The following MAVS variants were observed in gnomAD, a reference collection of about 807,000 sequenced individuals.
MAVS encodes the protein mitochondrial antiviral-signaling protein.
Under a neutral mutation model 30.2 loss-of-function variants are expected in MAVS, and 20 were observed. The observed-to-expected ratio is 0.66, with a 90% confidence interval of 0.47 to 0.96. MAVS has a LOEUF of 0.96. Among genes scored for constraint, MAVS ranks in the 40% least tolerant of loss-of-function variants. The pLI is 0.00. For missense variants in MAVS, 624 were observed against 701.1 expected (o/e 0.89, Z 1.24); for synonymous variants, 278 against 293.9 (o/e 0.95, Z 0.55).
intron 1 of MAVS, among the ~76,000 whole-genome samples, chr20:3,853,231 A>G (rs944456153): frequency 2.0e-5 from 3 of 149,202 alleles, no homozygotes; most frequent in Non-Finnish European, 3.0e-5. Flanking sequence ...TCACGCCTGT[A>G]ATCCCAGCAC....
chr20:3,861,165 ATGT>A (rs1309837434), intron 3 of MAVS, among the ~76,000 whole-genome samples, 164 bp from the exon 4 acceptor site: 1 of 149,588 alleles, frequency 6.7e-6, no homozygotes, highest in Non-Finnish European at 1.5e-5. Flanking sequence ...GCTAATAATA[ATGT>A]TGTATTTTTA....
intron 1 of MAVS, among the ~76,000 whole-genome samples, chr20:3,850,879 C>A (rs1299586734): frequency 7.4e-6 from 1 of 134,374 alleles, no homozygotes; most frequent in Non-Finnish European, 1.5e-5. Context: ...GAGCGAAACT[C>A]CGTCTCAAAA....
In MAVS at chr20:3,851,990, C is replaced by CTTTTTTT. The variant is rs770960832; in HGVS notation, c.-67-2557_-67-2551dup. 3.4e-3 allele frequency among the ~76,000 whole-genome samples: 274 copies of CTTTTTTT among 80,412 alleles called. 14 individuals carry two copies. The highest frequency in any genetic ancestry group is 0.032 in the African/African-American group (268 of 8,432). The allele number at this position is 80,412 out of a possible 152,430, so 52.8% of individuals were successfully genotyped here. A position where few individuals can be genotyped will look rare whatever the true frequency, so the allele number is the denominator to read the frequency against. ...AAAAAAAGAATGTATGTGTAGCAGGCTTTTTTTTTTTTTTTTTCCCCCGAG... is the reference window on the plus strand; with the variant it reads ...AAAAAAAGAATGTATGTGTAGCAGGCTTTTTTTTTTTTTTTTTTTTTTTTCCCCCGAG... On this transcript the variant is annotated intron_variant, in intron 1 of 6. Coordinates refer to ENST00000428216, the MANE Select transcript of MAVS (RefSeq NM_020746.5).
chr20:3,857,760 A>T lies in MAVS; in HGVS notation c.243A>T (p.Leu81=). The T allele has an allele frequency of 6.2e-7, 1 of 1,614,182 alleles. No individual in the cohort carries two copies. Among genetic ancestry groups the T allele is most frequent in the Admixed American group, 1.7e-5 (1 of 60,030 alleles). The change falls in exon 3 of 7, where the codon CTA becomes CTT. Residue 81 remains leucine (L), a synonymous_variant. Coordinates refer to ENST00000428216, the MANE Select transcript of MAVS (RefSeq NM_020746.5). ...YFIAALRGCE[L]VDLADEVASV... ...TTGCGGCACTGAGGGGCTGTGAGCTAGTTGATCTCGCGGACGAAGTGGCCT... is the reference window on the plus strand; with the variant it reads ...TTGCGGCACTGAGGGGCTGTGAGCTTGTTGATCTCGCGGACGAAGTGGCCT...
chr20:3,862,151 T>G, intron 4 of MAVS, 103 bp from the exon 5 acceptor site: 2 of 1,316,092 alleles, frequency 1.5e-6, no homozygotes, highest in Non-Finnish European at 2.1e-6. Flanking sequence ...CTGTGCTCCA[T>G]GGTGTGGGCT....
At position 3,848,371 on chromosome 20, in the gene MAVS, T is replaced by C. The variant is rs1192690199; in HGVS notation, c.-68+1468T>C. Among the ~76,000 whole-genome samples the C allele has an allele frequency of 2.0e-5, 3 of 152,174 alleles. No individual in the cohort carries two copies. The South Asian group carries it at 6.2e-4, about 32-fold the overall frequency. On this transcript the variant is annotated intron_variant, in intron 1 of 6. Coordinates refer to ENST00000428216, the MANE Select transcript of MAVS (RefSeq NM_020746.5). ...GCCTCGGCCTCCCAAAGTGCTGGGA[T>C]TCCAGGCGTGAGCCACCGCGCCCGG...
rs527350913 is a variant in MAVS, at chr20:3,874,138, A to C, written c.*7991A>C. The C allele has an allele frequency of 2.5e-6, 1 of 398,652 alleles. No individual in the cohort carries two copies. The highest frequency in any genetic ancestry group is 2.1e-5 in the African/African-American group (1 of 48,754). The allele number at this position is 398,652 out of a possible 1,614,324, so 24.7% of individuals were successfully genotyped here. Reference sequence around the variant, plus strand: ...ACAGCAACATGGATAAATTTCACAGACATGAGGTCAAGCAAAAGAGGTCAG... The same window carrying C: ...ACAGCAACATGGATAAATTTCACAGCCATGAGGTCAAGCAAAAGAGGTCAG... On this transcript the variant is annotated 3_prime_UTR_variant, in exon 7 of 7. Transcript: ENST00000428216.
At chr20:3,854,183 A>T (rs2089788964) in intron 1 of MAVS, among the ~76,000 whole-genome samples, 1 of 151,934 alleles carries the variant, frequency 6.6e-6, no homozygotes, top group Non-Finnish European at 1.5e-5. Flanking sequence ...CAAACTTGGG[A>T]GGCCGAGGCG....
In MAVS at chr20:3,850,185, G is replaced by A. The variant is rs1055121959; in HGVS notation, c.-68+3282G>A. ...CCAGCTACTTGGGAGGCTGAGGCAG[G>A]AGAATGGTGTGAACCCGGGAGGCGG... On this transcript the variant is annotated intron_variant, in intron 1 of 6. Transcript: ENST00000428216. Among the ~76,000 whole-genome samples the A allele has an allele frequency of 4.0e-5, 6 of 149,124 alleles. No homozygotes were observed. The East Asian group carries it at 5.9e-4, about 15-fold the overall frequency.
At chr20:3,848,134 C>G (rs1180600290) in intron 1 of MAVS, among the ~76,000 whole-genome samples, 1 of 151,890 alleles carries the variant, frequency 6.6e-6, no homozygotes, top group Non-Finnish European at 1.5e-5. Context: ...GAGTCTCACT[C>G]TCTTGCCCAG....
At chr20:3,858,176 G>A (rs908881716) in intron 3 of MAVS, among the ~76,000 whole-genome samples, 16 of 151,988 alleles carry the variant, frequency 1.1e-4, no homozygotes, top group African/African-American at 3.6e-4. Flanking sequence ...TGTAGCATTC[G>A]CCTCCCACCC....
rs3746660 is a variant in MAVS at position 3,866,196 on chromosome 20, C to T, written c.*49C>T. 649,253 of 1,482,026 alleles carry T rather than the reference C, an allele frequency of 0.44. 146,819 individuals are homozygous for T. Among genetic ancestry groups the T allele is most frequent in the Non-Finnish European group, 0.47 (523,959 of 1,111,152 alleles). The allele number at this position is 1,482,026 out of a possible 1,614,324, so 91.8% of individuals were successfully genotyped here. ...ACCCATCTGTTCCGTTCCTGCAGTA[C>T]ACCTGGCCCCTCTCCGAAGCCCCTT... On this transcript the variant is annotated 3_prime_UTR_variant, in exon 7 of 7. Coordinates refer to ENST00000428216, the MANE Select transcript of MAVS (RefSeq NM_020746.5).
Position 3,861,352 on chromosome 20 carries a change from G to C in MAVS, c.313G>C (p.Asp105His). 1 of 1,613,680 alleles carries C rather than the reference G, an allele frequency of 6.2e-7. No homozygotes were observed. The highest frequency in any genetic ancestry group is 1.1e-5 in the South Asian group (1 of 91,038). ...YQPRTSDRPP[D>H]PLEPPSLPAE... ...TCTAGGGACCTCGGACCGTCCCCCA[G>C]ACCCACTGGAGCCACCGTCACTTCC... Residue 105 changes from aspartate (D) to histidine (H), a missense_variant, in exon 4 of 7, where the codon GAC becomes CAC. Transcript: ENST00000428216.
In MAVS at chr20:3,866,674, CCCAA is replaced by C. The variant is rs1238807747; in HGVS notation, c.*529_*532del. On this transcript the variant is annotated 3_prime_UTR_variant, in exon 7 of 7. Coordinates refer to ENST00000428216, the MANE Select transcript of MAVS (RefSeq NM_020746.5). ...CGGCAGGGTGGCTGCTCTCCAGGAG[CCCAA>C]CTGCCTTGAGTTCCTGCCCCACTGG... The C allele has an allele frequency of 1.3e-4, 46 of 355,656 alleles. 1 individual carries two copies. Among genetic ancestry groups the C allele is most frequent in the Admixed American group, 7.6e-5 (2 of 26,376 alleles). The allele number at this position is 355,656 out of a possible 1,614,324, so 22.0% of individuals were successfully genotyped here.
At chr20:3,860,626 C>G (rs1349396425) in intron 3 of MAVS, among the ~76,000 whole-genome samples, 1 of 151,640 alleles carries the variant, frequency 6.6e-6, no homozygotes, top group East Asian at 1.9e-4. Context: ...CCACCCACTT[C>G]GGCCTCCCAA....
Position 3,874,876 on chromosome 20 carries a change from C to T in MAVS, c.*8729C>T, listed in dbSNP as rs770688651. 6.6e-6 allele frequency: 1 copy of T among 152,450 alleles called. No individual in the cohort carries two copies. The highest frequency in any genetic ancestry group is 1.5e-5 in the Non-Finnish European group (1 of 68,154). 9.4% of individuals were successfully genotyped at this position (152,450 alleles called of 1,614,324 possible). On this transcript the variant is annotated 3_prime_UTR_variant, in exon 7 of 7. Coordinates refer to ENST00000428216, the MANE Select transcript of MAVS (RefSeq NM_020746.5). ...CACCATCGCTGGAATGGGGGACACA[C>T]AGTACTTCCTCCAGCTGCCTACACC...
At position 3,875,450 on chromosome 20, in the gene MAVS, C is replaced by T. The variant is rs1448434051; in HGVS notation, c.*9303C>T. ...AATAAAAACCCTGAATATCTTCCTT[C>T]TACTTCTTCAGTGCTGTTTTTATTT... On this transcript the variant is annotated 3_prime_UTR_variant, in exon 7 of 7. Transcript: ENST00000428216. 1 of 143,654 alleles carries T rather than the reference C, an allele frequency of 7.0e-6. No homozygotes were observed. Among genetic ancestry groups the T allele is most frequent in the Non-Finnish European group, 1.5e-5 (1 of 66,804 alleles). The allele number at this position is 143,654 out of a possible 1,614,324, so 8.9% of individuals were successfully genotyped here. A position where few individuals can be genotyped will look rare whatever the true frequency, so the allele number is the denominator to read the frequency against.
chr20:3,857,074 C>T (rs1435919402), intron 2 of MAVS, among the ~76,000 whole-genome samples: 2 of 151,742 alleles, frequency 1.3e-5, no homozygotes, highest in African/African-American at 2.4e-5. Context: ...AACTCTGCAG[C>T]CACTGTCATC....
At chr20:3,857,881 C>T in intron 3 of MAVS, 72 bp downstream of exon 3, 2 of 1,482,376 alleles carry the variant, frequency 1.3e-6, no homozygotes, top group Non-Finnish European at 1.9e-6. Flanking sequence ...TTCTCTCTCC[C>T]TGTACTTCCT....
Sources: gnomAD v4.1 joint callset for allele counts (sites outside exome capture counted in the v4.1 genomes callset) on GRCh38, gnomAD v4.1.1 for gene constraint, MANE v1.5 for transcripts, NCBI Gene and HGNC (gene_info 2026-07-23, HGNC 2026-07-21) for gene names.